The following HIVEP3 variants were observed in gnomAD, a reference collection of about 807,000 sequenced individuals.
The protein encoded by HIVEP3 is HIVEP zinc finger 3.
HIVEP3 carries 49 observed loss-of-function variants against 152.8 expected under a neutral mutation model. That is an observed-to-expected ratio of 0.32 (90% CI 0.26 to 0.41). The LOEUF is 0.41. HIVEP3 is among the 10% of genes least tolerant of loss of function. The probability of loss-of-function intolerance (pLI) is 1.00; values close to 1 mark genes in which losing one functional copy is unlikely to be tolerated. For missense variants in HIVEP3, 2,790 were observed against 3,103.3 expected (o/e 0.90, Z 2.40); for synonymous variants, 1,269 against 1,289.0 (o/e 0.98, Z 0.33).
At chr1:41,948,608 C>T (rs1202104261) in intron 1 of HIVEP3, among the ~76,000 whole-genome samples, 4 of 152,126 alleles carry the variant, frequency 2.6e-5, no homozygotes, top group Non-Finnish European at 5.9e-5. Context: ...GGGTAATCCC[C>T]TCCAGGAAAC....
intron 5 of HIVEP3, among the ~76,000 whole-genome samples, chr1:41,558,659 T>A (rs543162523): frequency 6.6e-6 from 1 of 152,302 alleles, no homozygotes; most frequent in East Asian, 1.9e-4. Context: ...GCAGAGGAGC[T>A]TCCCTCGGCC....
intron 1 of HIVEP3, among the ~76,000 whole-genome samples, chr1:41,712,515 C>A (rs140384300): frequency 2.0e-5 from 3 of 152,232 alleles, no homozygotes; most frequent in Admixed American, 6.5e-5. Context: ...ACACTGGGCA[C>A]CTGTGGCTGG....
At chr1:41,532,733 A>T (rs1417592404) in intron 5 of HIVEP3, among the ~76,000 whole-genome samples, 1 of 151,876 alleles carries the variant, frequency 6.6e-6, no homozygotes, top group Non-Finnish European at 1.5e-5. Context: ...GCTTGGGGGG[A>T]AGTGATGGAG....
chr1:41,846,024 G>T (rs554307553), intron 1 of HIVEP3, among the ~76,000 whole-genome samples: 2 of 152,100 alleles, frequency 1.3e-5, no homozygotes, highest in Non-Finnish European at 2.9e-5. Flanking sequence ...AGATTGCGCC[G>T]CTGCATTCCA....
chr1:41,666,068 T>C (rs1249155021), intron 2 of HIVEP3, among the ~76,000 whole-genome samples: 1 of 152,138 alleles, frequency 6.6e-6, no homozygotes, highest in African/African-American at 2.4e-5. Context: ...TCCCCATTGC[T>C]GTGCTTTCCT....
intron 1 of HIVEP3, among the ~76,000 whole-genome samples, chr1:41,897,148 A>C (rs902309314): frequency 3.3e-5 from 5 of 152,198 alleles, no homozygotes; most frequent in Admixed American, 6.5e-5. Context: ...AAAAGTGGGA[A>C]TGCATAGCCA....
At chr1:41,723,768 G>A (rs984183668) in intron 1 of HIVEP3, among the ~76,000 whole-genome samples, 2 of 152,174 alleles carry the variant, frequency 1.3e-5, no homozygotes, top group Non-Finnish European at 2.9e-5. Context: ...GCTAGGTATT[G>A]GTTTAGTGTA....
At chr1:41,579,255 G>A (rs1233666134) in intron 4 of HIVEP3, among the ~76,000 whole-genome samples, 1 of 152,168 alleles carries the variant, frequency 6.6e-6, no homozygotes, top group African/African-American at 2.4e-5. Flanking sequence ...TAGAATCTTG[G>A]AAATGGGAAG....
At chr1:41,797,743 C>A (rs553767508) in intron 1 of HIVEP3, among the ~76,000 whole-genome samples, 1 of 152,152 alleles carries the variant, frequency 6.6e-6, no homozygotes. Flanking sequence ...AATTCCAGCA[C>A]TTTGGGAGGC....
chr1:41,744,561 T>C (rs943614035), intron 1 of HIVEP3, among the ~76,000 whole-genome samples: 5 of 152,226 alleles, frequency 3.3e-5, no homozygotes, highest in Non-Finnish European at 7.3e-5. Context: ...GTTTTGGTAT[T>C]TAATGTCTAA....
At chr1:41,698,785 C>T (rs1570343217) in intron 2 of HIVEP3, among the ~76,000 whole-genome samples, 1 of 152,184 alleles carries the variant, frequency 6.6e-6, no homozygotes, top group South Asian at 2.1e-4. Flanking sequence ...CCACAGCCCC[C>T]ACTGAATGTA....
chr1:41,510,782 C>G lies in HIVEP3; in HGVS notation c.6890G>C (p.Gly2297Ala). The G allele has an allele frequency of 6.2e-7, 1 of 1,606,954 alleles. No homozygotes were observed. Among genetic ancestry groups the G allele is most frequent in the African/African-American group, 1.3e-5 (1 of 74,910 alleles). The stretch of plus-strand genomic sequence containing the variant: ...CGTGGGTGTGGGCTCTGCAGGTGCC[C>G]CGGTCCCATGGGGTGTCCAGTCAGG... ...RPPDWTPHGT[G>A]APAEPTPTHS... The change falls in exon 9 of 9, where the codon GGG becomes GCG. Residue 2297 changes from glycine to alanine, a missense_variant. Gly to Ala is a moderately conservative substitution (Grantham distance 60, BLOSUM62 0). This residue lies in a region of HIVEP3 where 816 missense variants were observed against 806.5 expected (regional missense o/e 1.01). Coordinates refer to ENST00000372583, the MANE Select transcript of HIVEP3 (RefSeq NM_024503.5).
rs191376146 is a variant in HIVEP3, at chr1:41,635,107, T to A, written c.-720-6160A>T. Among the ~76,000 whole-genome samples, 139 of 152,222 alleles carry A rather than the reference T, an allele frequency of 9.1e-4. No homozygotes were observed. In the South Asian group the frequency reaches 9.3e-3, roughly 10 times the overall value. On this transcript the variant is annotated intron_variant, in intron 2 of 8. Coordinates refer to ENST00000372583, the MANE Select transcript of HIVEP3 (RefSeq NM_024503.5). ...TACGGACCACAGCCTCAGTTCTTGA[T>A]GAAATAAAATTAGACATTAACAAAT...
intron 1 of HIVEP3, among the ~76,000 whole-genome samples, chr1:41,725,996 G>T (rs1051098050): frequency 2.0e-5 from 3 of 152,174 alleles, no homozygotes; most frequent in Admixed American, 2.0e-4. Context: ...TGATTTCTCA[G>T]CAGTCATTGT....
chr1:42,029,439 G>C (rs1056904685), intron 1 of HIVEP3, among the ~76,000 whole-genome samples: 4 of 152,140 alleles, frequency 2.6e-5, no homozygotes, highest in Admixed American at 2.6e-4. Context: ...CTGCAAAATG[G>C]GGATGCTAAT....
chr1:41,707,199 G>A (rs1646447402), intron 1 of HIVEP3, among the ~76,000 whole-genome samples: 2 of 152,204 alleles, frequency 1.3e-5, no homozygotes, highest in Non-Finnish European at 2.9e-5. Context: ...CCCAGCTGGT[G>A]AACTGCTACA....
At position 41,973,046 on chromosome 1, in the gene HIVEP3, G is replaced by GCACACACACA. The variant is rs61424124; in HGVS notation, n.120-54532_120-54523dup. On this transcript the variant is annotated intron_variant and non_coding_transcript_variant, in intron 1 of 3. Transcript: ENST00000489103. ...AGCAAAGTAGAAACCACATGTGCGT[G>GCACACACACA]CACACACACACACACACACACACAC... Among the ~76,000 whole-genome samples, 270 of 147,212 alleles carry GCACACACACA rather than the reference G, an allele frequency of 1.8e-3. 2 individuals carry two copies. The highest frequency in any genetic ancestry group is 5.9e-3 in the African/African-American group (237 of 40,090).
At chr1:41,893,164 G>A (rs1396059112) in intron 1 of HIVEP3, among the ~76,000 whole-genome samples, 2 of 149,726 alleles carry the variant, frequency 1.3e-5, no homozygotes, top group Admixed American at 6.7e-5. Context: ...AAAACCCACA[G>A]CTGAGAAGCC....
intron 1 of HIVEP3, among the ~76,000 whole-genome samples, chr1:41,948,155 C>T (rs1270050816): frequency 3.3e-5 from 5 of 152,126 alleles, no homozygotes; most frequent in Admixed American, 6.5e-5. Context: ...GAAGTTCCTT[C>T]GTAGAAAAAG....
Sources: gnomAD v4.1 joint callset for allele counts (sites outside exome capture counted in the v4.1 genomes callset) on GRCh38, gnomAD v4.1.1 for gene constraint, gnomAD v4.1.1 regional missense constraint, MANE v1.5 for transcripts, NCBI Gene and HGNC (gene_info 2026-07-23, HGNC 2026-07-21) for gene names.